ATP2B3: variants seen among roughly 807,000 people sequenced by gnomAD.
ATP2B3 encodes the protein plasma membrane calcium-transporting ATPase 3.
In ATP2B3, 12 loss-of-function variants were observed where a neutral mutation model predicts 70.8. The observed-to-expected ratio is 0.17, with a 90% CI of 0.11 to 0.27. The LOEUF (loss-of-function observed/expected upper bound fraction) is 0.27. Among genes scored for constraint, ATP2B3 ranks in the 10% least tolerant of loss-of-function variants. The pLI is 1.00. For synonymous variants in ATP2B3, 460 were observed against 497.8 expected (o/e 0.92, Z 1.01); for missense variants, 858 against 1,118.5 (o/e 0.77, Z 3.32).
intron 15 of ATP2B3, 93 bp downstream of exon 15, chrX:153,556,511 G>C: frequency 3.2e-6 from 3 of 932,681 alleles, no homozygotes; most frequent in Non-Finnish European, 4.5e-6. Flanking sequence ...CAGGTCCCCA[G>C]GGCCTGCCTA....
rs1251173359 is a variant in ATP2B3, at chrX:153,536,175, G to A, written c.-73G>A. ...CCGCCAAACCTTGCCTGGGCACTGG[G>A]ACCGTGGGTGGCCGCCTGTCCCTAG... On this transcript the variant is annotated 5_prime_UTR_variant, in exon 3 of 22. Transcript: ENST00000263519. 9 of 1,119,695 alleles carry A rather than the reference G, an allele frequency of 8.0e-6. No individual in the cohort carries two copies. The highest frequency in any genetic ancestry group is 2.6e-5 in the Admixed American group (1 of 38,734). The allele number at this position is 1,119,695 out of a possible 1,213,427, so 92.3% of individuals were successfully genotyped here. A position where few individuals can be genotyped will look rare whatever the true frequency, so the allele number is the denominator to read the frequency against.
intron 2 of ATP2B3, among the ~76,000 whole-genome samples, chrX:153,524,291 C>T (rs2980068): frequency 0.023 from 2,511 of 109,854 alleles, 70 homozygotes; most frequent in African/African-American, 0.079. Flanking sequence ...TTTTAAGATA[C>T]TTAACTCTTT....
chrX:153,555,937 C>G, intron 13 of ATP2B3, 112 bp from the exon 14 acceptor site: 1 of 894,220 alleles, frequency 1.1e-6, no homozygotes, highest in Non-Finnish European at 1.6e-6. Context: ...GCTTTACTCT[C>G]ACCTCTGCTG....
Position 153,549,720 on chromosome X carries a change from C to G in ATP2B3, c.1562C>G (p.Ala521Gly), listed in dbSNP as rs782779068. Residue 521 changes from alanine (A) to glycine (G), a missense_variant, in exon 11 of 22, where the codon GCC becomes GGC. By Grantham distance (60) the Ala-to-Gly change is moderately conservative. Coordinates refer to ENST00000263519, the MANE Select transcript of ATP2B3 (RefSeq NM_001001344.3). Reference sequence around the variant, plus strand: ...GTCCATGCCATCTCCATCAACAGTGCCTATACCACCAAAATACTAGTGAGC... The same window carrying G: ...GTCCATGCCATCTCCATCAACAGTGGCTATACCACCAAAATACTAGTGAGC... ...LLVHAISINS[A>G]YTTKILPPEK... The G allele has an allele frequency of 8.3e-7, 1 of 1,211,519 alleles. No homozygotes were observed. Among genetic ancestry groups the G allele is most frequent in the Middle Eastern group, 2.3e-4 (1 of 4,352 alleles).
At chrX:153,547,713 G>A in intron 8 of ATP2B3, 122 bp from the exon 9 acceptor site, 2 of 855,362 alleles carry the variant, frequency 2.3e-6, no homozygotes, top group Non-Finnish European at 1.6e-6. Flanking sequence ...GGAAATAGGA[G>A]AGCTCCACTG....
At chrX:153,560,405 C>G (rs782421716) in intron 18 of ATP2B3, among the ~76,000 whole-genome samples, 5 of 111,523 alleles carry the variant, frequency 4.5e-5, no homozygotes, top group Non-Finnish European at 7.5e-5. Context: ...GGAGGGCGTC[C>G]GAGGAAAGCC....
intron 12 of ATP2B3, 136 bp downstream of exon 12, chrX:153,550,422 C>A: frequency 1.0e-6 from 1 of 963,812 alleles, no homozygotes; most frequent in Non-Finnish European, 1.4e-6. Flanking sequence ...AGCACGTTCA[C>A]AATATCATGC....
chrX:153,523,184 A>T (rs1212769811), intron 2 of ATP2B3, among the ~76,000 whole-genome samples: 1 of 112,365 alleles, frequency 8.9e-6, no homozygotes, highest in Non-Finnish European at 1.9e-5. Flanking sequence ...TTTTAAGATT[A>T]TAAAAGCAGT....
At chrX:153,559,631 TGTG>T in intron 17 of ATP2B3, 95 bp from the exon 18 acceptor site, 1 of 697,094 alleles carries the variant, frequency 1.4e-6, no homozygotes, top group Middle Eastern at 3.1e-4. Context: ...ATCCTGGTGA[TGTG>T]GACCCCATGA....
At chrX:153,531,485 G>A (rs1557001908) in intron 2 of ATP2B3, among the ~76,000 whole-genome samples, 1 of 113,344 alleles carries the variant, frequency 8.8e-6, no homozygotes, top group Admixed American at 9.2e-5. Context: ...CTGAAAGGCG[G>A]GCCCTTGCTT....
chrX:153,545,872 T>C (rs1289829595), intron 7 of ATP2B3, among the ~76,000 whole-genome samples: 1 of 111,640 alleles, frequency 9.0e-6, no homozygotes, highest in Non-Finnish European at 1.9e-5. Flanking sequence ...GGGCTGAGCT[T>C]AAGGCCGAAG....
chrX:153,576,638 G>A (rs782377851), intron 21 of ATP2B3, among the ~76,000 whole-genome samples: 1 of 112,121 alleles, frequency 8.9e-6, no homozygotes, highest in African/African-American at 3.2e-5. Flanking sequence ...GTGGCCTGAT[G>A]GTCTATAGAC....
intron 17 of ATP2B3, among the ~76,000 whole-genome samples, chrX:153,558,562 G>T (rs1557014916): frequency 8.9e-6 from 1 of 112,264 alleles, no homozygotes; most frequent in African/African-American, 3.2e-5. Flanking sequence ...GTGCTCTTGA[G>T]CAGTCATTTC....
rs782593621 is a variant in ATP2B3 at position 153,522,299 on chromosome X, C to T, written c.-127+3748C>T. On this transcript the variant is annotated intron_variant, in intron 2 of 21. Coordinates refer to ENST00000263519, the MANE Select transcript of ATP2B3 (RefSeq NM_001001344.3). ...GAGACGACGGAAAGCAAAAAGCAAACGCAATGCCCTTCCTGCCCTCCTGGA... is the reference window on the plus strand; with the variant it reads ...GAGACGACGGAAAGCAAAAAGCAAATGCAATGCCCTTCCTGCCCTCCTGGA... 8.0e-5 allele frequency among the ~76,000 whole-genome samples: 9 copies of T among 112,628 alleles called. No homozygotes were observed. The South Asian group carries it at 1.1e-3, about 14-fold the overall frequency.
chrX:153,546,146 C>T lies in ATP2B3; in HGVS notation c.958+17C>T. 2 of 1,210,282 alleles carry T rather than the reference C, an allele frequency of 1.7e-6. No homozygotes were observed. The highest frequency in any genetic ancestry group is 2.2e-6 in the Non-Finnish European group (2 of 894,786). On this transcript the variant is annotated intron_variant, in intron 8 of 21. Coordinates refer to ENST00000263519, the MANE Select transcript of ATP2B3 (RefSeq NM_001001344.3). ...AGACCAAAGGTAACGGGCGCCGCTGCTTGGGCACAACAAGCTTGGAGCCCT... is the reference window on the plus strand; with the variant it reads ...AGACCAAAGGTAACGGGCGCCGCTGTTTGGGCACAACAAGCTTGGAGCCCT...
At chrX:153,551,803 C>T (rs2090460931) in intron 12 of ATP2B3, among the ~76,000 whole-genome samples, 1 of 112,430 alleles carries the variant, frequency 8.9e-6, no homozygotes, top group Admixed American at 9.3e-5. Flanking sequence ...CCTCCAAATG[C>T]CCTGGCTTCC....
chrX:153,522,178 G>A (rs942073132), intron 2 of ATP2B3, among the ~76,000 whole-genome samples: 8 of 112,817 alleles, frequency 7.1e-5, no homozygotes, highest in East Asian at 5.6e-4. Flanking sequence ...TCAGAATGGC[G>A]CCAGCTATGC....
rs781834324 is a variant in ATP2B3 at position 153,542,339 on chromosome X, C to A, written c.681C>A (p.Ala227=). The A allele has an allele frequency of 8.3e-7, 1 of 1,211,097 alleles. No homozygotes were observed. Among genetic ancestry groups the A allele is most frequent in the South Asian group, 1.8e-5 (1 of 56,948 alleles). Reference sequence around the variant, plus strand: ...GTGCTCTAGGCGACCTGCTGCCAGCCGACGGCGTGCTCATCCAGGCCAATG... The same window carrying A: ...GTGCTCTAGGCGACCTGCTGCCAGCAGACGGCGTGCTCATCCAGGCCAATG... The part of the protein sequence containing the change: ...AQVKYGDLLP[A]DGVLIQANDL... The change falls in exon 6 of 22, where the codon GCC becomes GCA. Residue 227 remains alanine, a synonymous_variant. Coordinates refer to ENST00000263519, the MANE Select transcript of ATP2B3 (RefSeq NM_001001344.3).
intron 2 of ATP2B3, among the ~76,000 whole-genome samples, chrX:153,530,976 C>T (rs2090108826): frequency 8.9e-6 from 1 of 112,555 alleles, no homozygotes; most frequent in African/African-American, 3.2e-5. Context: ...TGTTCTCTGC[C>T]TCAGCTCCTT....
Sources: gnomAD v4.1 joint callset for allele counts (sites outside exome capture counted in the v4.1 genomes callset) on GRCh38, gnomAD v4.1.1 for gene constraint, MANE v1.5 for transcripts, NCBI Gene and HGNC (gene_info 2026-07-23, HGNC 2026-07-21) for gene names.